The following DNAH8 variants were observed in gnomAD, a reference collection of about 807,000 sequenced individuals.
DNAH8 encodes axonemal beta dynein heavy chain 8.
DNAH8 carries 382 observed loss-of-function variants against 562.1 expected under a neutral mutation model. That is an observed-to-expected ratio of 0.68 (90% CI 0.63 to 0.74). The LOEUF (loss-of-function observed/expected upper bound fraction) is 0.74, where lower values mean the gene tolerates loss of function less well. Ranked by LOEUF, DNAH8 falls within the 30% of genes least tolerant of loss-of-function variation. The pLI is 0.00. For missense variants in DNAH8, 5,203 were observed against 5,620.4 expected (o/e 0.93, Z 2.37); for synonymous variants, 1,881 against 1,919.4 (o/e 0.98, Z 0.52).
chr6:38,908,379 A>G (rs2150524550), intron 64 of DNAH8, among the ~76,000 whole-genome samples: 1 of 152,314 alleles, frequency 6.6e-6, no homozygotes, highest in Non-Finnish European at 1.5e-5. Flanking sequence ...TTGAATTGTA[A>G]GGGACTTGGT....
chr6:38,990,249 C>T lies in DNAH8; in HGVS notation c.13214+77C>T, dbSNP rs1023889347. ...GCAAAGATGGTGCATTTCATTTTCT[C>T]TCCTAATCTCTCTCCTTTCCCCCTT... On this transcript the variant is annotated intron_variant, in intron 88 of 92. Transcript: ENST00000327475. The T allele has an allele frequency of 6.6e-6, 6 of 913,354 alleles. No homozygotes were observed. The Admixed American group carries it at 9.9e-5, about 15-fold the overall frequency. The allele number at this position is 913,354 out of a possible 1,614,324, so 56.6% of individuals were successfully genotyped here. A position where few individuals can be genotyped will look rare whatever the true frequency, so the allele number is the denominator to read the frequency against.
In DNAH8 at chr6:38,857,617, A is replaced by ATT; in HGVS notation, c.5833_5834insTT (p.Lys1945IlefsTer7). On this transcript the variant is annotated frameshift_variant, in exon 42 of 93. Transcript: ENST00000327475. LOFTEE classifies it high-confidence loss of function. ...GAAAATCATGCAAGTGACCAATCAGAAATTTTTGGATATTCTAAATACTCT... is the reference window on the plus strand; with the variant it reads ...GAAAATCATGCAAGTGACCAATCAGATTAATTTTTGGATATTCTAAATACTCT... The ATT allele has an allele frequency of 1.9e-6, 3 of 1,613,876 alleles. No homozygotes were observed. The highest frequency in any genetic ancestry group is 2.5e-6 in the Non-Finnish European group (3 of 1,179,824).
In DNAH8 at chr6:38,866,826, CA is replaced by C; in HGVS notation, c.6648del (p.Lys2216AsnfsTer23). 1 of 1,613,346 alleles carries C rather than the reference CA, an allele frequency of 6.2e-7. No homozygotes were observed. Among genetic ancestry groups the C allele is most frequent in the Non-Finnish European group, 8.5e-7 (1 of 1,179,688 alleles). ...CGFLENVILA[Q>X]KFYVLYKLCE... is the part of the protein sequence containing the mutation. The stretch of plus-strand genomic sequence containing the variant: ...TTTTCTTGAAAATGTTATCTTGGCT[CA>C]AAAATTTTACGTTCTTTACAAACTC... On this transcript the variant is annotated frameshift_variant, in exon 47 of 93. Coordinates refer to ENST00000327475, the MANE Select transcript of DNAH8 (RefSeq NM_001206927.2). LOFTEE classifies it high-confidence loss of function.
chr6:38,794,868 A>ATTT (rs34990318), intron 21 of DNAH8, among the ~76,000 whole-genome samples: 2,251 of 151,538 alleles, frequency 0.015, 94 homozygotes, highest in East Asian at 0.15. Flanking sequence ...ATTCTTGTAA[A>ATTT]TTTTTTTTTG....
At chr6:38,977,099 A>T (rs1763724183) in intron 85 of DNAH8, among the ~76,000 whole-genome samples, 1 of 152,140 alleles carries the variant, frequency 6.6e-6, no homozygotes, top group Admixed American at 6.5e-5. Flanking sequence ...CAAAATGAGC[A>T]CCTCTCCTTT....
At chr6:38,825,539 C>G (rs1773236585) in intron 28 of DNAH8, among the ~76,000 whole-genome samples, 2 of 152,132 alleles carry the variant, frequency 1.3e-5, no homozygotes, top group Non-Finnish European at 1.5e-5. Flanking sequence ...CTCTATGCCT[C>G]TCGTTTCTTC....
chr6:38,945,470 G>C lies in DNAH8; in HGVS notation c.12011G>C (p.Gly4004Ala), dbSNP rs1472264977. 1.9e-6 allele frequency: 3 copies of C among 1,614,084 alleles called. No homozygotes were observed. The East Asian group carries it at 6.7e-5, about 36-fold the overall frequency. The change falls in exon 80 of 93, where the codon GGA becomes GCA. Residue 4004 changes from glycine to alanine, a missense_variant. By Grantham distance (60) the Gly-to-Ala change is moderately conservative. Coordinates refer to ENST00000327475, the MANE Select transcript of DNAH8 (RefSeq NM_001206927.2). Reference protein sequence around the residue: ...HREFQALIKGGAALDLKACPP... With the variant: ...HREFQALIKGAAALDLKACPP... ...CCTGTCTGACGCTCTTCCCCAGGGG[G>C]AGCAGCTCTGGACCTGAAAGCCTGT...
chr6:38,870,468 G>A lies in DNAH8; in HGVS notation c.6896G>A (p.Ser2299Asn), dbSNP rs1269105628. ...NDLFPGLQLD[S>N]NTYAELQNAV... Reference sequence around the variant, plus strand: ...CTGTTCCCAGGACTGCAACTGGATAGTAATACTTATGCAGAACTGCAAAAC... The same window carrying A: ...CTGTTCCCAGGACTGCAACTGGATAATAATACTTATGCAGAACTGCAAAAC... The change falls in exon 49 of 93, where the codon AGT (serine) becomes AAT (asparagine). Residue 2299 changes from serine (S) to asparagine (N), a missense_variant. Coordinates refer to ENST00000327475, the MANE Select transcript of DNAH8 (RefSeq NM_001206927.2). The A allele has an allele frequency of 2.5e-6, 4 of 1,613,956 alleles. No individual in the cohort carries two copies. In the African/African-American group the frequency reaches 4.0e-5, roughly 16 times the overall value.
In DNAH8 at chr6:38,929,577, C is replaced by T; in HGVS notation, c.11185C>T (p.Leu3729Phe). The change falls in exon 75 of 93, where the codon CTT becomes TTT. Residue 3729 changes from leucine to phenylalanine, a missense_variant. Physicochemically the swap from Leu to Phe is conservative, Grantham distance 22. This residue lies in a region of DNAH8 where 1,399 missense variants were observed against 1,518.4 expected (regional missense o/e 0.92). Transcript: ENST00000327475. ...LEDSLSLGRPLLIEDIHEELD... is the reference protein window; with the variant it reads ...LEDSLSLGRPFLIEDIHEELD... ...GGACAGCCTTTCCTTGGGCCGACCCCTTCTCATTGAGGACATTCATGAAGA... is the reference window on the plus strand; with the variant it reads ...GGACAGCCTTTCCTTGGGCCGACCCTTTCTCATTGAGGACATTCATGAAGA... 1 of 1,612,386 alleles carries T rather than the reference C, an allele frequency of 6.2e-7. No homozygotes were observed. Among genetic ancestry groups the T allele is most frequent in the Non-Finnish European group, 8.5e-7 (1 of 1,179,392 alleles).
Position 38,850,582 on chromosome 6 carries a change from T to C in DNAH8, c.5363+168T>C, listed in dbSNP as rs77688769. On this transcript the variant is annotated intron_variant, in intron 38 of 92. Coordinates refer to ENST00000327475, the MANE Select transcript of DNAH8 (RefSeq NM_001206927.2). ...TTTCTGTGAGGAAGACACCTTTGAC[T>C]TGGGGGTGGTTAAGGCATTGTATTA... Among the ~76,000 whole-genome samples, 3,793 of 152,266 alleles carry C rather than the reference T, an allele frequency of 0.025. 159 individuals are homozygous for C. Among genetic ancestry groups the C allele is most frequent in the African/African-American group, 0.085 (3,512 of 41,536 alleles).
At chr6:38,779,434 A>G (rs1768373635) in intron 14 of DNAH8, among the ~76,000 whole-genome samples, 1 of 151,936 alleles carries the variant, frequency 6.6e-6, no homozygotes. Context: ...GCTGATGTCA[A>G]TTCATTTTAT....
intron 75 of DNAH8, among the ~76,000 whole-genome samples, chr6:38,929,935 G>A (rs111915886): frequency 0.013 from 1,955 of 151,996 alleles, 36 homozygotes; most frequent in Middle Eastern, 0.037. Context: ...AAGAGTAGTC[G>A]TTTAGCTAAA....
chr6:38,787,015 A>G (rs1278142934), intron 18 of DNAH8, 63 bp downstream of exon 18: 23 of 639,132 alleles, frequency 3.6e-5, no homozygotes, highest in African/African-American at 1.5e-4. Context: ...AAATATGTAT[A>G]TATATATATA....
intron 82 of DNAH8, among the ~76,000 whole-genome samples, chr6:38,969,877 T>A (rs1274815733): frequency 1.3e-5 from 2 of 152,058 alleles, no homozygotes; most frequent in Non-Finnish European, 2.9e-5. Context: ...ATTTAGGGCT[T>A]GAGAGACCCC....
intron 37 of DNAH8, among the ~76,000 whole-genome samples, chr6:38,849,725 T>C (rs907376754): frequency 3.3e-5 from 5 of 152,200 alleles, no homozygotes; most frequent in Non-Finnish European, 5.9e-5. Context: ...TTTTTGCAGC[T>C]AAGTACAAAG....
chr6:38,972,608 G>A (rs1047114798), intron 83 of DNAH8, among the ~76,000 whole-genome samples: 6 of 151,796 alleles, frequency 4.0e-5, no homozygotes, highest in African/African-American at 9.7e-5. Context: ...ATTTAAATAC[G>A]GTGTTCATGT....
chr6:38,771,240 G>T (rs1767539089), intron 12 of DNAH8, among the ~76,000 whole-genome samples: 1 of 152,208 alleles, frequency 6.6e-6, no homozygotes. Context: ...TGAAGACCTA[G>T]ACATGTTTGG....
chr6:38,927,128 T>C (rs1421288985), intron 74 of DNAH8, among the ~76,000 whole-genome samples: 1 of 152,234 alleles, frequency 6.6e-6, no homozygotes, highest in East Asian at 1.9e-4. Flanking sequence ...TCAAAGTGTG[T>C]CATCATTATA....
chr6:38,816,255 G>T (rs1437148068), intron 26 of DNAH8, among the ~76,000 whole-genome samples: 1 of 151,934 alleles, frequency 6.6e-6, no homozygotes. Flanking sequence ...CCCACCAACA[G>T]GCTCCAGTAT....
Sources: allele counts gnomAD v4.1 joint callset (sites outside exome capture counted in the v4.1 genomes callset), GRCh38; gene constraint gnomAD v4.1.1; regional missense constraint gnomAD v4.1.1; transcripts MANE v1.5; gene names NCBI Gene and HGNC (gene_info 2026-07-23, HGNC 2026-07-21).